GNAS-AS1: variants seen among roughly 807,000 people sequenced by gnomAD.
GNAS-AS1 encodes the protein GNAS antisense RNA 1, also known as GNAS antisense RNA 1 (non-protein coding).
At chr20:58,828,101 T>G (rs2085532429) in intron 4 of GNAS-AS1, among the ~76,000 whole-genome samples, 1 of 152,222 alleles carries the variant, frequency 6.6e-6, no homozygotes, top group Non-Finnish European at 1.5e-5. Flanking sequence ...TAACTGGTGC[T>G]TTTGGAACAA....
At position 58,840,835 on chromosome 20, in the gene GNAS-AS1, G is replaced by A. The variant is rs80141274; in HGVS notation, n.819+1102C>T. On this transcript the variant is annotated intron_variant and non_coding_transcript_variant, in intron 4 of 4. Coordinates refer to ENST00000424094, the Ensembl canonical transcript of GNAS-AS1. The surrounding 1 kb of genome is among the most constrained non-coding windows in gnomAD (Gnocchi z 6.0). ...CCAAAAAGGGACCCATCCCCATCCG[G>A]CGTCACTAATGGAGGACGCCGTCCA... 29 of 1,612,774 alleles carry A rather than the reference G, an allele frequency of 1.8e-5. No homozygotes were observed. The highest frequency in any genetic ancestry group is 2.5e-5 in the Non-Finnish European group (29 of 1,179,972).
At chr20:58,831,260 G>A (rs1240142305) in intron 4 of GNAS-AS1, among the ~76,000 whole-genome samples, 4 of 152,242 alleles carry the variant, frequency 2.6e-5, no homozygotes, top group Middle Eastern at 3.4e-3. Flanking sequence ...ACTGTGCCCG[G>A]CCAGACCACG....
chr20:58,822,310 C>CTT (rs1385203778), intron 4 of GNAS-AS1, among the ~76,000 whole-genome samples: 2 of 152,186 alleles, frequency 1.3e-5, no homozygotes, highest in Non-Finnish European at 2.9e-5. Context: ...GTGCAAATGC[C>CTT]TAAGGAGGCC....
rs773930351 is a variant in GNAS-AS1, at chr20:58,840,685, G to T, written n.819+1252C>A. On this transcript the variant is annotated intron_variant and non_coding_transcript_variant, in intron 4 of 4. Coordinates refer to ENST00000424094, the Ensembl canonical transcript of GNAS-AS1. The surrounding 1 kb of genome is among the most constrained non-coding windows in gnomAD (Gnocchi z 6.0). ...CCCAGAGCCCCAGGGAAGGGGAGGA[G>T]CTCAAGCCCGAGGACAAAGATCCAA... 1 of 1,604,330 alleles carries T rather than the reference G, an allele frequency of 6.2e-7. No homozygotes were observed. The highest frequency in any genetic ancestry group is 8.5e-7 in the Non-Finnish European group (1 of 1,179,568).
intron 4 of GNAS-AS1, chr20:58,838,893 G>C (rs1382825112): frequency 5.1e-6 from 2 of 388,548 alleles, no homozygotes; most frequent in African/African-American, 4.5e-5. Context: ...CTCCAGCTTG[G>C]GTGACAGAGC....
chr20:58,833,994 T>C (rs1030808817), intron 4 of GNAS-AS1: 6 of 152,170 alleles, frequency 3.9e-5, no homozygotes, highest in Non-Finnish European at 8.8e-5. Context: ...TGACTAGACA[T>C]GTAAAATTGG....
At chr20:58,843,147 T>TA (rs1234695987) in intron 2 of GNAS-AS1, among the ~76,000 whole-genome samples, 1 of 151,884 alleles carries the variant, frequency 6.6e-6, no homozygotes, top group Non-Finnish European at 1.5e-5. Context: ...AGCCCAATTG[T>TA]AAAAACCTGT....
chr20:58,840,392 T>C lies in GNAS-AS1; in HGVS notation n.819+1545A>G. The C allele has an allele frequency of 6.2e-7, 1 of 1,613,320 alleles. No homozygotes were observed. Among genetic ancestry groups the C allele is most frequent in the Non-Finnish European group, 8.5e-7 (1 of 1,179,940 alleles). On this transcript the variant is annotated intron_variant and non_coding_transcript_variant, in intron 4 of 4. Transcript: ENST00000424094. The surrounding 1 kb of genome is among the most constrained non-coding windows in gnomAD (Gnocchi z 6.0). ...GCACGAGGAGGCAGACCTTGAGCTG[T>C]CCCTCCCCGAGTGCCTAGAGTACGA... is the stretch of plus-strand genomic sequence containing the variant.
At chr20:58,819,080 T>G (rs2085468327) in exon 5 of GNAS-AS1, 1 of 398,530 alleles carries the variant, frequency 2.5e-6, no homozygotes, top group Admixed American at 4.4e-5. Flanking sequence ...AGGATCTTGC[T>G]CACCAAACTC....
intron 4 of GNAS-AS1, chr20:58,836,251 C>T (rs1429417774): frequency 6.6e-6 from 1 of 152,184 alleles, no homozygotes; most frequent in Non-Finnish European, 1.5e-5. Context: ...CCTTTGACTT[C>T]ACATTGCTTC....
intron 4 of GNAS-AS1, among the ~76,000 whole-genome samples, chr20:58,835,955 G>A (rs1027279074): frequency 1.3e-5 from 2 of 152,150 alleles, no homozygotes; most frequent in Non-Finnish European, 2.9e-5. Flanking sequence ...TCCACAGGCC[G>A]CTGGGTCCAT....
intron 4 of GNAS-AS1, among the ~76,000 whole-genome samples, chr20:58,827,847 G>C (rs541460540): frequency 6.6e-6 from 1 of 152,214 alleles, no homozygotes; most frequent in Non-Finnish European, 1.5e-5. Context: ...ACTGTGGCTG[G>C]TGCAGGGTCA....
chr20:58,833,691 A>C (rs2085582670), intron 4 of GNAS-AS1: 1 of 152,224 alleles, frequency 6.6e-6, no homozygotes, highest in African/African-American at 2.4e-5. Flanking sequence ...GATCAACCCC[A>C]CACACACCTG....
intron 4 of GNAS-AS1, among the ~76,000 whole-genome samples, chr20:58,821,481 C>T (rs562487123): frequency 6.6e-6 from 1 of 152,240 alleles, no homozygotes; most frequent in African/African-American, 2.4e-5. Flanking sequence ...CTGACCTGTG[C>T]GTACCTCAGT....
chr20:58,824,902 G>A (rs977878248), intron 4 of GNAS-AS1, among the ~76,000 whole-genome samples: 4 of 152,212 alleles, frequency 2.6e-5, no homozygotes, highest in African/African-American at 7.2e-5. Context: ...AAAGCTGGGA[G>A]TGAGAACAGA....
At chr20:58,820,094 C>A (rs1600641631) in intron 4 of GNAS-AS1, among the ~76,000 whole-genome samples, 1 of 152,276 alleles carries the variant, frequency 6.6e-6, no homozygotes, top group East Asian at 1.9e-4. Context: ...CAGACGCCCG[C>A]TCCAGTGGGG....
chr20:58,828,641 G>A lies in GNAS-AS1; in HGVS notation n.820-9386C>T, dbSNP rs534123939. On this transcript the variant is annotated intron_variant and non_coding_transcript_variant, in intron 4 of 4. Coordinates refer to ENST00000424094, the Ensembl canonical transcript of GNAS-AS1. ...ACTTTGGTTGGAAACTCAATTTGGA[G>A]TGTTCCTCTCTTGTCTCCCACTTAG... is the stretch of plus-strand genomic sequence containing the variant. 2.0e-5 allele frequency among the ~76,000 whole-genome samples: 3 copies of A among 152,346 alleles called. No individual in the cohort carries two copies. The East Asian group carries it at 5.8e-4, about 29-fold the overall frequency.
chr20:58,843,523 G>T (rs2085824735), intron 2 of GNAS-AS1: 1 of 152,150 alleles, frequency 6.6e-6, no homozygotes, highest in African/African-American at 2.4e-5. Context: ...ATCTGAATAG[G>T]CCCACTTGCC....
rs530949558 is a variant in GNAS-AS1 at position 58,834,001 on chromosome 20, T to C, written n.819+7936A>G. The C allele has an allele frequency of 9.2e-5, 14 of 152,174 alleles. No homozygotes were observed. The East Asian group carries it at 2.5e-3, about 27-fold the overall frequency. The allele number at this position is 152,174 out of a possible 1,614,324, so 9.4% of individuals were successfully genotyped here. On this transcript the variant is annotated intron_variant and non_coding_transcript_variant, in intron 4 of 4. Transcript: ENST00000424094. ...AGCCTCAGTGACTAGACATGTAAAATTGGTCTAATCATATTTTGAAGAGCT... is the reference window on the plus strand; with the variant it reads ...AGCCTCAGTGACTAGACATGTAAAACTGGTCTAATCATATTTTGAAGAGCT...
Sources: allele counts gnomAD v4.1 joint callset (sites outside exome capture counted in the v4.1 genomes callset), GRCh38; gene constraint gnomAD v4.1.1; non-coding constraint Gnocchi (gnomAD v3.1); transcripts MANE v1.5; gene names NCBI Gene and HGNC (gene_info 2026-07-23, HGNC 2026-07-21).